The following HS3ST4 variants were observed in gnomAD, a reference collection of about 807,000 sequenced individuals.
The protein encoded by HS3ST4 is heparan sulfate glucosamine 3-O-sulfotransferase 4.
In HS3ST4, 17 loss-of-function variants were observed where a neutral mutation model predicts 29.2. The observed-to-expected ratio is 0.58, with a 90% CI of 0.40 to 0.87. The LOEUF (loss-of-function observed/expected upper bound fraction) is 0.87, where lower values mean the gene tolerates loss of function less well. Among genes scored for constraint, HS3ST4 ranks in the 40% least tolerant of loss-of-function variants. The pLI, the probability that HS3ST4 is intolerant of heterozygous loss-of-function variation, is 0.00. For synonymous variants in HS3ST4, 314 were observed against 285.7 expected, an observed-to-expected ratio of 1.10 and a Z score of -1.00; for missense variants, 627 against 634.5, an observed-to-expected ratio of 0.99 and a Z score of 0.13.
intron 1 of HS3ST4, among the ~76,000 whole-genome samples, chr16:25,862,061 G>T (rs537609877): frequency 1.3e-5 from 2 of 152,006 alleles, no homozygotes; most frequent in Admixed American, 6.5e-5. Context: ...AAACTGTTCC[G>T]TTCCACCTCA....
rs531702834 is a variant in HS3ST4, at chr16:26,120,263, T to C, written c.735-15349T>C. 6.6e-5 allele frequency among the ~76,000 whole-genome samples: 10 copies of C among 152,272 alleles called. No homozygotes were observed. In the East Asian group the frequency reaches 1.5e-3, roughly 24 times the overall value. On this transcript the variant is annotated intron_variant, in intron 1 of 1. Transcript: ENST00000331351. ...TCTGTTATATGATCAGACTGATTGG[T>C]TTAAAAATCTGTTTAGTATTTCATG...
At chr16:25,810,464 C>T (rs1012283019) in intron 1 of HS3ST4, among the ~76,000 whole-genome samples, 8 of 152,120 alleles carry the variant, frequency 5.3e-5, no homozygotes, top group Non-Finnish European at 1.0e-4. Flanking sequence ...TATAGGCCAG[C>T]GAGATCCTGT....
chr16:25,959,008 G>C (rs192679135), intron 1 of HS3ST4, among the ~76,000 whole-genome samples: 21 of 152,294 alleles, frequency 1.4e-4, no homozygotes, highest in African/African-American at 5.1e-4. Flanking sequence ...CTGAGACATG[G>C]GTTGCAGTAG....
At chr16:25,887,691 A>ATTTTTTTTT (rs768447504) in intron 1 of HS3ST4, among the ~76,000 whole-genome samples, 1 of 91,500 alleles carries the variant, frequency 1.1e-5, no homozygotes, top group Non-Finnish European at 2.1e-5. Flanking sequence ...GCTACACCTG[A>ATTTTTTTTT]TTTTTTTTTT....
intron 1 of HS3ST4, among the ~76,000 whole-genome samples, chr16:26,004,422 C>T (rs1969238952): frequency 6.6e-6 from 1 of 152,056 alleles, no homozygotes; most frequent in African/African-American, 2.4e-5. Context: ...GAGAGATTTA[C>T]AAGGTTAAGA....
intron 1 of HS3ST4, among the ~76,000 whole-genome samples, chr16:25,925,277 G>A (rs963268057): frequency 6.6e-6 from 1 of 151,694 alleles, no homozygotes; most frequent in Non-Finnish European, 1.5e-5. Context: ...ATCATCATCA[G>A]CCAGCAACAT....
chr16:25,753,797 T>G (rs1966737404), intron 1 of HS3ST4, among the ~76,000 whole-genome samples: 2 of 152,208 alleles, frequency 1.3e-5, no homozygotes, highest in Admixed American at 6.5e-5. Flanking sequence ...TGGGTTTCAC[T>G]TATTTTTTTA....
chr16:25,692,583 T>C lies in HS3ST4; in HGVS notation c.166T>C (p.Ser56Pro). The change falls in exon 1 of 2, where the codon TCG becomes CCG. Residue 56 changes from serine to proline, a missense_variant. This residue lies in a region of HS3ST4 where 402 missense variants were observed against 340.8 expected (regional missense o/e 1.18). Transcript: ENST00000331351. ...CCTGTGCTACAGCCTCCTGGGCGGCTCGGGCTCCCTGCAATTCCCTCTGGC... is the reference window on the plus strand; with the variant it reads ...CCTGTGCTACAGCCTCCTGGGCGGCCCGGGCTCCCTGCAATTCCCTCTGGC... ...TYLCYSLLGG[S>P]GSLQFPLALQ... 1.4e-6 allele frequency: 2 copies of C among 1,421,934 alleles called. No homozygotes were observed. The highest frequency in any genetic ancestry group is 1.9e-6 in the Non-Finnish European group (2 of 1,077,622). 88.1% of individuals were successfully genotyped at this position (1,421,934 alleles called of 1,614,324 possible). A position where few individuals can be genotyped will look rare whatever the true frequency, so the allele number is the denominator to read the frequency against.
intron 1 of HS3ST4, among the ~76,000 whole-genome samples, chr16:26,107,913 G>T (rs1400432618): frequency 6.6e-6 from 1 of 152,214 alleles, no homozygotes; most frequent in African/African-American, 2.4e-5. Context: ...GTAGAGAGTA[G>T]TGGGATTGCT....
At chr16:25,878,901 C>G (rs1037059731) in intron 1 of HS3ST4, among the ~76,000 whole-genome samples, 2 of 152,250 alleles carry the variant, frequency 1.3e-5, no homozygotes, top group African/African-American at 4.8e-5. Flanking sequence ...TAAACAGTAT[C>G]TTATGGTTCC....
In HS3ST4 at chr16:26,038,764, AG is replaced by A. The variant is rs1969607584; in HGVS notation, c.735-96847del. Among the ~76,000 whole-genome samples, 3 of 151,950 alleles carry A rather than the reference AG, an allele frequency of 2.0e-5. No homozygotes were observed. In the South Asian group the frequency reaches 6.2e-4, roughly 32 times the overall value. On this transcript the variant is annotated intron_variant, in intron 1 of 1. Coordinates refer to ENST00000331351, the MANE Select transcript of HS3ST4 (RefSeq NM_006040.3). ...AGTGGTGCGATCTCGGCTCACTGCA[AG>A]CTCCGCCTCCCGGGTTCATGCCATT...
chr16:25,753,420 G>A (rs1206075508), intron 1 of HS3ST4, among the ~76,000 whole-genome samples: 1 of 152,174 alleles, frequency 6.6e-6, no homozygotes, highest in African/African-American at 2.4e-5. Context: ...TGGCCAGAAT[G>A]GCCTCACAGC....
At chr16:26,045,988 T>G (rs1294178514) in intron 1 of HS3ST4, among the ~76,000 whole-genome samples, 2 of 152,198 alleles carry the variant, frequency 1.3e-5, no homozygotes, top group Non-Finnish European at 2.9e-5. Context: ...TGAAACTTTA[T>G]GGAGACCATA....
intron 1 of HS3ST4, among the ~76,000 whole-genome samples, chr16:26,079,430 A>G (rs1898701129): frequency 6.6e-6 from 1 of 152,222 alleles, no homozygotes; most frequent in Admixed American, 6.5e-5. Context: ...ACTGCCTGGA[A>G]GCCCTGTAGC....
At chr16:25,790,271 G>T (rs764074444) in intron 1 of HS3ST4, among the ~76,000 whole-genome samples, 1 of 152,134 alleles carries the variant, frequency 6.6e-6, no homozygotes, top group Non-Finnish European at 1.5e-5. Context: ...TTAGCTGGAT[G>T]TGATGGCAGG....
At chr16:25,858,733 T>A (rs567250436) in intron 1 of HS3ST4, among the ~76,000 whole-genome samples, 39 of 152,334 alleles carry the variant, frequency 2.6e-4, no homozygotes, top group African/African-American at 9.1e-4. Context: ...CAGTAAGTTA[T>A]ATTTTCTCAG....
intron 1 of HS3ST4, among the ~76,000 whole-genome samples, chr16:25,921,759 CTT>C (rs71385586): frequency 3.3e-4 from 46 of 141,518 alleles, no homozygotes; most frequent in African/African-American, 4.9e-4. Context: ...TTTTTTTTTT[CTT>C]TTTTTTTTTT....
At chr16:25,922,097 G>A (rs1968360126) in intron 1 of HS3ST4, among the ~76,000 whole-genome samples, 1 of 152,108 alleles carries the variant, frequency 6.6e-6, no homozygotes. Context: ...CAAGCTAATG[G>A]CCATGGGCTG....
intron 1 of HS3ST4, among the ~76,000 whole-genome samples, chr16:25,868,069 A>G (rs944707355): frequency 6.6e-6 from 1 of 152,176 alleles, no homozygotes; most frequent in Non-Finnish European, 1.5e-5. Flanking sequence ...TAAAGGCCCT[A>G]GGATAATGCA....
Sources: allele counts gnomAD v4.1 joint callset (sites outside exome capture counted in the v4.1 genomes callset), GRCh38; gene constraint gnomAD v4.1.1; regional missense constraint gnomAD v4.1.1; transcripts MANE v1.5; gene names NCBI Gene and HGNC (gene_info 2026-07-23, HGNC 2026-07-21).